Variants in RMDN2 observed in about 807,000 individuals in gnomAD.
RMDN2 encodes regulator of microtubule dynamics protein 2.
RMDN2 carries 61 observed loss-of-function variants against 52.8 expected under a neutral mutation model. The observed-to-expected ratio is 1.16, with a 90% CI of 0.94 to 1.43. RMDN2 has a LOEUF of 1.43. RMDN2 is among the 40% of genes most tolerant of loss of function. The pLI, the probability that RMDN2 is intolerant of heterozygous loss-of-function variation, is 0.00. For synonymous variants in RMDN2, 180 were observed against 153.1 expected (o/e 1.18, Z -1.30); for missense variants, 592 against 475.3 (o/e 1.25, Z -2.28).
At chr2:38,050,670 C>T (rs1681537286) in intron 10 of RMDN2, among the ~76,000 whole-genome samples, 1 of 152,182 alleles carries the variant, frequency 6.6e-6, no homozygotes, top group Non-Finnish European at 1.5e-5. Context: ...AGACACAATT[C>T]TGCACGAACT....
At chr2:38,008,981 T>C (rs548681679) in intron 10 of RMDN2, among the ~76,000 whole-genome samples, 1 of 152,330 alleles carries the variant, frequency 6.6e-6, no homozygotes, top group Non-Finnish European at 1.5e-5. Context: ...TTTGGCTGGA[T>C]ATGAAATTCT....
At chr2:37,992,749 A>T (rs1025967413) in intron 7 of RMDN2, among the ~76,000 whole-genome samples, 4 of 152,234 alleles carry the variant, frequency 2.6e-5, no homozygotes, top group African/African-American at 9.6e-5. Flanking sequence ...ATAATGGCTA[A>T]TGTGTACGTG....
chr2:37,989,925 C>T (rs868372792), intron 6 of RMDN2, among the ~76,000 whole-genome samples: 4 of 152,062 alleles, frequency 2.6e-5, no homozygotes, highest in African/African-American at 7.2e-5. Flanking sequence ...GGGTGGATCA[C>T]GAGGTCAGGA....
At chr2:38,002,540 T>C (rs2125184788) in intron 8 of RMDN2, among the ~76,000 whole-genome samples, 1 of 152,378 alleles carries the variant, frequency 6.6e-6, no homozygotes, top group African/African-American at 2.4e-5. Context: ...TTTATGTATT[T>C]GTGTTTTTCT....
intron 8 of RMDN2, among the ~76,000 whole-genome samples, chr2:38,002,587 C>A (rs1676467568): frequency 6.6e-6 from 1 of 152,110 alleles, no homozygotes. Flanking sequence ...AATTATATAT[C>A]TGTAAATTAT....
intron 8 of RMDN2, among the ~76,000 whole-genome samples, chr2:37,999,995 T>TA (rs1676098531): frequency 6.6e-6 from 1 of 152,170 alleles, no homozygotes; most frequent in Non-Finnish European, 1.5e-5. Flanking sequence ...TTACAGAAAA[T>TA]AATATATTTT....
At chr2:37,941,803 C>T (rs1229232213) in intron 2 of RMDN2, among the ~76,000 whole-genome samples, 1 of 152,136 alleles carries the variant, frequency 6.6e-6, no homozygotes, top group African/African-American at 2.4e-5. Flanking sequence ...CGAGAATTTC[C>T]AGCCAGTGGA....
At chr2:37,978,516 A>G (rs1454011428) in intron 4 of RMDN2, among the ~76,000 whole-genome samples, 3 of 152,148 alleles carry the variant, frequency 2.0e-5, no homozygotes, top group African/African-American at 7.2e-5. Context: ...ACGAATGGAA[A>G]TAAGCTCTTA....
At chr2:37,944,842 G>A (rs1668091414) in intron 2 of RMDN2, among the ~76,000 whole-genome samples, 1 of 152,188 alleles carries the variant, frequency 6.6e-6, no homozygotes, top group Admixed American at 6.5e-5. Context: ...GTTTTCACCT[G>A]AGAGATACTT....
chr2:38,014,905 T>C (rs1678534076), intron 10 of RMDN2, among the ~76,000 whole-genome samples: 1 of 152,130 alleles, frequency 6.6e-6, no homozygotes, highest in Non-Finnish European at 1.5e-5. Context: ...GTTTTGGAAA[T>C]AAAAGCACAG....
At chr2:38,012,491 T>C (rs1241904492) in intron 10 of RMDN2, 2 of 400,708 alleles carry the variant, frequency 5.0e-6, no homozygotes, top group Admixed American at 7.4e-5. Context: ...GTGTCAATAG[T>C]AATAATAAAG....
intron 8 of RMDN2, chr2:37,998,197 G>A (rs1458231920): frequency 6.6e-6 from 1 of 152,038 alleles, no homozygotes; most frequent in African/African-American, 2.4e-5. Context: ...TACTAAATGT[G>A]TTTTCCTTCC....
intron 2 of RMDN2, among the ~76,000 whole-genome samples, chr2:37,932,056 A>T (rs1242685991): frequency 6.6e-6 from 1 of 152,014 alleles, no homozygotes. Flanking sequence ...TTATTTATTT[A>T]TTTATTTTAT....
chr2:38,051,487 G>T (rs1361282522), intron 10 of RMDN2, among the ~76,000 whole-genome samples: 1 of 152,118 alleles, frequency 6.6e-6, no homozygotes, highest in Admixed American at 6.5e-5. Flanking sequence ...TCAAATTGGG[G>T]TATTTATGAT....
chr2:38,002,674 AAGAGTCTG>A (rs1234872363), intron 8 of RMDN2, among the ~76,000 whole-genome samples: 2 of 152,202 alleles, frequency 1.3e-5, no homozygotes, highest in Non-Finnish European at 2.9e-5. Context: ...ATACTTGGCA[AAGAGTCTG>A]GTAGGTTACA....
At chr2:37,999,374 G>A (rs1436512851) in intron 8 of RMDN2, among the ~76,000 whole-genome samples, 1 of 152,156 alleles carries the variant, frequency 6.6e-6, no homozygotes, top group African/African-American at 2.4e-5. Flanking sequence ...TGCTTAGAGT[G>A]TGCCTAGCAC....
intron 10 of RMDN2, among the ~76,000 whole-genome samples, chr2:38,046,585 T>A (rs1373199533): frequency 6.6e-6 from 1 of 152,082 alleles, no homozygotes; most frequent in African/African-American, 2.4e-5. Context: ...CATAGTCAAA[T>A]TGTTAAAAAC....
intron 1 of RMDN2, chr2:37,929,057 C>A (rs34303008): frequency 2.5e-6 from 1 of 403,424 alleles, no homozygotes. Context: ...GCATCTTTAA[C>A]TTAATATGAT....
chr2:38,046,751 G>T (rs2082254), intron 10 of RMDN2, among the ~76,000 whole-genome samples: 44,346 of 152,090 alleles, frequency 0.29, 8,027 homozygotes, highest in South Asian at 0.49. Flanking sequence ...TTGGGAGGCC[G>T]AGCTGGGTGG....
Sources: gnomAD v4.1 joint callset for allele counts (sites outside exome capture counted in the v4.1 genomes callset) on GRCh38, gnomAD v4.1.1 for gene constraint, MANE v1.5 for transcripts, NCBI Gene and HGNC (gene_info 2026-07-23, HGNC 2026-07-21) for gene names.